Variants in NRG3 observed in about 807,000 individuals in gnomAD.
The protein encoded by NRG3 is pro-neuregulin-3, membrane-bound isoform.
A neutral mutation model predicts 66.9 loss-of-function variants in NRG3; 31 were observed. The observed-to-expected ratio is 0.46, with a 90% CI of 0.35 to 0.63. The LOEUF (loss-of-function observed/expected upper bound fraction) is 0.63. Ranked by LOEUF, NRG3 falls within the 20% of genes least tolerant of loss-of-function variation. The probability of loss-of-function intolerance (pLI) is 0.00; values close to 1 mark genes in which losing one functional copy is unlikely to be tolerated. For synonymous variants in NRG3, 393 were observed against 359.4 expected, an observed-to-expected ratio of 1.09 and a Z score of -1.06; for missense variants, 910 against 878.9, an observed-to-expected ratio of 1.04 and a Z score of -0.45.
chr10:82,841,050 A>G (rs1009880853), intron 3 of NRG3, among the ~76,000 whole-genome samples: 2 of 152,154 alleles, frequency 1.3e-5, no homozygotes, highest in Non-Finnish European at 2.9e-5. Context: ...TGATATCTTC[A>G]TAAAGAGAGA....
intron 2 of NRG3, among the ~76,000 whole-genome samples, chr10:82,463,422 T>G (rs1395789032): frequency 6.6e-6 from 1 of 152,218 alleles, no homozygotes; most frequent in Non-Finnish European, 1.5e-5. Flanking sequence ...ACCACTGATG[T>G]TGGGAAACCA....
intron 1 of NRG3, among the ~76,000 whole-genome samples, chr10:82,063,487 AT>A (rs2064274922): frequency 6.9e-6 from 1 of 145,268 alleles, no homozygotes; most frequent in African/African-American, 2.5e-5. Context: ...GACAATCAAT[AT>A]ATTTTTTAGA....
chr10:82,398,526 T>TGTGTGAGAGA lies in NRG3; in HGVS notation c.953+39659_953+39660insTGTGAGAGAG, dbSNP rs373924370. On this transcript the variant is annotated intron_variant, in intron 2 of 8. Transcript: ENST00000372141. ...GTGTGTGTGTGTGTGTGTGTGTGTG[T>TGTGTGAGAGA]GAGAGAGAGAGAGAGAGAGTATGAG... 7.8e-4 allele frequency among the ~76,000 whole-genome samples: 106 copies of TGTGTGAGAGA among 136,576 alleles called. 1 individual carries two copies. The highest frequency in any genetic ancestry group is 2.5e-3 in the African/African-American group (87 of 34,240). The allele number at this position is 136,576 out of a possible 152,430, so 89.6% of individuals were successfully genotyped here.
chr10:82,202,335 C>A (rs2074877628), intron 1 of NRG3, among the ~76,000 whole-genome samples: 1 of 152,084 alleles, frequency 6.6e-6, no homozygotes, highest in South Asian at 2.1e-4. Flanking sequence ...CATAGTTATT[C>A]CAGATCATCA....
At position 82,604,911 on chromosome 10, in the gene NRG3, G is replaced by A. The variant is rs962111591; in HGVS notation, c.954-133666G>A. Reference sequence around the variant, plus strand: ...GTGTATAAGAAAGCAATTATCTTTCGTATATTAACTTTGTGTCCTGTAACT... The same window carrying A: ...GTGTATAAGAAAGCAATTATCTTTCATATATTAACTTTGTGTCCTGTAACT... On this transcript the variant is annotated intron_variant, in intron 2 of 8. Coordinates refer to ENST00000372141, the MANE Select transcript of NRG3 (RefSeq NM_001010848.4). 7.2e-5 allele frequency among the ~76,000 whole-genome samples: 11 copies of A among 151,844 alleles called. 1 individual carries two copies. Among genetic ancestry groups the A allele is most frequent in the Admixed American group, 2.6e-4 (4 of 15,210 alleles).
intron 2 of NRG3, among the ~76,000 whole-genome samples, chr10:82,668,175 T>C (rs1174734249): frequency 1.3e-5 from 2 of 152,168 alleles, no homozygotes; most frequent in East Asian, 3.9e-4. Context: ...TTTACTTTTA[T>C]TTTCAAAGCC....
intron 1 of NRG3, among the ~76,000 whole-genome samples, chr10:82,156,931 A>G (rs2071234783): frequency 6.6e-6 from 1 of 151,730 alleles, no homozygotes. Flanking sequence ...TCCCATGGCA[A>G]CAATGGAGCT....
At chr10:82,968,908 A>G (rs1479848561) in intron 6 of NRG3, among the ~76,000 whole-genome samples, 1 of 152,222 alleles carries the variant, frequency 6.6e-6, no homozygotes. Context: ...TGGAAGGTGG[A>G]AAGCACGTCT....
chr10:82,263,425 C>T (rs887962290), intron 1 of NRG3, among the ~76,000 whole-genome samples: 3 of 152,182 alleles, frequency 2.0e-5, no homozygotes, highest in East Asian at 1.9e-4. Context: ...AAATCATTTT[C>T]TTCCAGTGTG....
At chr10:82,868,437 G>A (rs1840975812) in intron 4 of NRG3, among the ~76,000 whole-genome samples, 1 of 152,064 alleles carries the variant, frequency 6.6e-6, no homozygotes, top group Non-Finnish European at 1.5e-5. Flanking sequence ...ATTCTCAGTG[G>A]GTGACTATTT....
chr10:81,911,997 G>T lies in NRG3; in HGVS notation c.823+35834G>T, dbSNP rs528277455. The stretch of plus-strand genomic sequence containing the variant: ...AATTACCAGAGATTAGAAAGTGCAG[G>T]CAAGGAGAAAGATAAAAAAAGTCTC... On this transcript the variant is annotated intron_variant, in intron 1 of 8. Coordinates refer to ENST00000372141, the MANE Select transcript of NRG3 (RefSeq NM_001010848.4). Among the ~76,000 whole-genome samples the T allele has an allele frequency of 2.6e-5, 4 of 152,142 alleles. No individual in the cohort carries two copies. In the East Asian group the frequency reaches 7.7e-4, roughly 29 times the overall value.
At chr10:82,625,266 C>T (rs148586971) in intron 2 of NRG3, among the ~76,000 whole-genome samples, 1 of 151,982 alleles carries the variant, frequency 6.6e-6, no homozygotes, top group Non-Finnish European at 1.5e-5. Flanking sequence ...AGCCTATGCA[C>T]TTTTCTATTT....
chr10:82,384,693 G>A (rs2085863671), intron 2 of NRG3, among the ~76,000 whole-genome samples: 1 of 152,238 alleles, frequency 6.6e-6, no homozygotes, highest in African/African-American at 2.4e-5. Context: ...TGGTCATTTA[G>A]GTTGATTCCA....
chr10:82,455,400 C>T (rs1400401560), intron 2 of NRG3, among the ~76,000 whole-genome samples: 1 of 152,020 alleles, frequency 6.6e-6, no homozygotes, highest in Non-Finnish European at 1.5e-5. Context: ...GTAAGTATTA[C>T]TGTATCTGAA....
rs183838996 is a variant in NRG3 at position 82,391,945 on chromosome 10, A to G, written c.953+33077A>G. Among the ~76,000 whole-genome samples the G allele has an allele frequency of 1.2e-3, 175 of 145,042 alleles. 1 individual carries two copies. The highest frequency in any genetic ancestry group is 1.2e-3 in the Non-Finnish European group (82 of 67,058). ...TTTTTTCTCTCTCTTGGTTGTAGCA[A>G]TTCTCATCAGTAGTGCTGCCAAAGT... On this transcript the variant is annotated intron_variant, in intron 2 of 8. Coordinates refer to ENST00000372141, the MANE Select transcript of NRG3 (RefSeq NM_001010848.4).
At chr10:82,726,360 C>A (rs2057598385) in intron 2 of NRG3, among the ~76,000 whole-genome samples, 1 of 152,156 alleles carries the variant, frequency 6.6e-6, no homozygotes, top group African/African-American at 2.4e-5. Flanking sequence ...TGAATTATAA[C>A]TTCCATAATT....
intron 1 of NRG3, among the ~76,000 whole-genome samples, chr10:82,290,676 C>A (rs2079677318): frequency 6.6e-6 from 1 of 151,790 alleles, no homozygotes; most frequent in Non-Finnish European, 1.5e-5. Flanking sequence ...TCTCTGTCAC[C>A]CAGGCTAGAG....
intron 1 of NRG3, among the ~76,000 whole-genome samples, chr10:82,056,533 G>C (rs2063854433): frequency 6.6e-6 from 1 of 152,164 alleles, no homozygotes; most frequent in Admixed American, 6.5e-5. Flanking sequence ...GTATTGGAAG[G>C]ATCGTCAAAC....
chr10:81,913,275 C>T (rs1429314497), intron 1 of NRG3, among the ~76,000 whole-genome samples: 1 of 152,174 alleles, frequency 6.6e-6, no homozygotes, highest in Non-Finnish European at 1.5e-5. Flanking sequence ...CTCCTCACCA[C>T]CTTTGGAATA....
Sources: gnomAD v4.1 joint callset for allele counts (sites outside exome capture counted in the v4.1 genomes callset) on GRCh38, gnomAD v4.1.1 for gene constraint, MANE v1.5 for transcripts, NCBI Gene and HGNC (gene_info 2026-07-23, HGNC 2026-07-21) for gene names.